The following MGST1 variants were observed in gnomAD, a reference collection of about 807,000 sequenced individuals.
MGST1 encodes microsomal glutathione S-transferase 1, also known as glutathione S-transferase 12.
In MGST1, 5 loss-of-function variants were observed where a neutral mutation model predicts 8.9. That is an observed-to-expected ratio of 0.56 (90% CI 0.29 to 1.19). The LOEUF is 1.19. Among genes scored for constraint, MGST1 ranks in the 50% most tolerant of loss-of-function variants. MGST1 has a pLI of 0.08. For missense variants in MGST1, 182 were observed against 187.4 expected (o/e 0.97, Z 0.17); for synonymous variants, 54 against 67.8 (o/e 0.80, Z 1.00).
intron 1 of MGST1, among the ~76,000 whole-genome samples, chr12:16,417,047 CTT>C (rs1940793041): frequency 6.6e-6 from 1 of 152,058 alleles, no homozygotes; most frequent in African/African-American, 2.4e-5. Context: ...ATTCAACAAA[CTT>C]TTTTGTAGTC....
chr12:16,361,687 G>A lies in MGST1; in HGVS notation c.222-2108G>A, dbSNP rs1440609329. Among the ~76,000 whole-genome samples, 1 of 152,186 alleles carries A rather than the reference G, an allele frequency of 6.6e-6. No homozygotes were observed. Among genetic ancestry groups the A allele is most frequent in the Non-Finnish European group, 1.5e-5 (1 of 68,026 alleles). On this transcript the variant is annotated intron_variant, in intron 3 of 3. Coordinates refer to ENST00000396210, the MANE Select transcript of MGST1 (RefSeq NM_020300.5). This position sits in a 1 kb window ranked among gnomAD's most constrained non-coding sequence, Gnocchi z 4.2. Reference sequence around the variant, plus strand: ...TGGGGAACTGTTTGCCTGGAACAGAGTCTCAAAAGAAGTACAAAATACAGC... The same window carrying A: ...TGGGGAACTGTTTGCCTGGAACAGAATCTCAAAAGAAGTACAAAATACAGC...
rs1383726435 is a variant in MGST1, at chr12:16,546,537, T to A, written n.483-42991T>A. On this transcript the variant is annotated intron_variant and non_coding_transcript_variant, in intron 4 of 4. Coordinates refer to the MGST1 transcript ENST00000538857. The surrounding 1 kb of genome is among the most constrained non-coding windows in gnomAD (Gnocchi z 4.7). ...TTATAATTTTGTGCATTACGTGATC[T>A]GCACGCCCAAAACAGGAGTATCTTT... Among the ~76,000 whole-genome samples the A allele has an allele frequency of 6.6e-6, 1 of 152,174 alleles. No individual in the cohort carries two copies. The highest frequency in any genetic ancestry group is 1.9e-4 in the East Asian group (1 of 5,196).
intron 1 of MGST1, among the ~76,000 whole-genome samples, chr12:16,424,247 G>A (rs1198206599): frequency 1.3e-5 from 2 of 152,222 alleles, no homozygotes; most frequent in Non-Finnish European, 2.9e-5. Flanking sequence ...ACACGTCACA[G>A]TCTTTAAGTC....
At position 16,402,237 on chromosome 12, in the gene MGST1, G is replaced by C. The variant is rs1406407249; in HGVS notation, n.778+18633G>C. On this transcript the variant is annotated intron_variant and non_coding_transcript_variant, in intron 1 of 1. Coordinates refer to the MGST1 transcript ENST00000359720. ...ATCACAAAAGACCATGGTAGTATCA[G>C]TTAGTTCATAACCAAAGAGCCATGT... 3.8e-6 allele frequency: 6 copies of C among 1,587,400 alleles called. No individual in the cohort carries two copies. In the East Asian group the frequency reaches 1.3e-4, roughly 35 times the overall value.
At chr12:16,498,293 A>C (rs1021501747) in intron 4 of MGST1, among the ~76,000 whole-genome samples, 7 of 152,200 alleles carry the variant, frequency 4.6e-5, no homozygotes, top group Non-Finnish European at 1.0e-4. Context: ...ACTTCCTAGT[A>C]TCTCTCCCTG....
At chr12:16,399,636 C>T in intron 1 of MGST1, 3 of 1,605,958 alleles carry the variant, frequency 1.9e-6, no homozygotes, top group African/African-American at 1.3e-5. Context: ...TTCAGCATCA[C>T]TCCCCTCATC....
At chr12:16,451,426 A>G (rs1342904514) in intron 4 of MGST1, among the ~76,000 whole-genome samples, 1 of 151,900 alleles carries the variant, frequency 6.6e-6, no homozygotes, top group African/African-American at 2.4e-5. Flanking sequence ...TTTATGCATT[A>G]CATATTTCAA....
In MGST1 at chr12:16,458,867, G is replaced by C. The variant is rs577430186; in HGVS notation, n.482+75263G>C. 6.6e-6 allele frequency among the ~76,000 whole-genome samples: 1 copy of C among 152,130 alleles called. No individual in the cohort carries two copies. The highest frequency in any genetic ancestry group is 1.5e-5 in the Non-Finnish European group (1 of 67,964). ...TTGAAGTCTCCATGTTCAGTGATAA[G>C]TAGTGGCTTGTTAGGAAAGCTATAT... On this transcript the variant is annotated intron_variant and non_coding_transcript_variant, in intron 4 of 4. Coordinates refer to the MGST1 transcript ENST00000538857. The surrounding 1 kb of genome is among the most constrained non-coding windows in gnomAD (Gnocchi z 4.0).
intron 4 of MGST1, among the ~76,000 whole-genome samples, chr12:16,466,801 C>A (rs1312085070): frequency 6.6e-6 from 1 of 152,164 alleles, no homozygotes; most frequent in African/African-American, 2.4e-5. Flanking sequence ...GTGTCAGACA[C>A]TGAAAAGCAT....
chr12:16,383,980 AGAG>A (rs1381161996), intron 1 of MGST1, among the ~76,000 whole-genome samples: 2 of 152,152 alleles, frequency 1.3e-5, no homozygotes, highest in African/African-American at 2.4e-5. Context: ...AGGGAAGAGG[AGAG>A]GAGGCATTTT....
At chr12:16,367,085 A>C (rs982233324), downstream of MGST1, among the ~76,000 whole-genome samples, 2 of 152,210 alleles carry the variant, frequency 1.3e-5, no homozygotes, top group African/African-American at 4.8e-5. Context: ...GATGGAAATG[A>C]ATACATTGAA....
In MGST1 at chr12:16,363,032, A is replaced by C. The variant is rs971402172; in HGVS notation, c.222-763A>C. The C allele has an allele frequency of 1.3e-5, 2 of 152,210 alleles. No individual in the cohort carries two copies. Among genetic ancestry groups the C allele is most frequent in the African/African-American group, 4.8e-5 (2 of 41,462 alleles). The allele number at this position is 152,210 out of a possible 1,614,324, so 9.4% of individuals were successfully genotyped here. On this transcript the variant is annotated intron_variant, in intron 3 of 3. Transcript: ENST00000396210. The surrounding 1 kb of genome is among the most constrained non-coding windows in gnomAD (Gnocchi z 4.6). ...CTTAGCCAGAGAAACCCAAGATGCC[A>C]CGGTTTGGAGCAAAACTGTGGCTAA...
At chr12:16,472,673 T>C (rs1941296457) in intron 4 of MGST1, among the ~76,000 whole-genome samples, 2 of 152,230 alleles carry the variant, frequency 1.3e-5, no homozygotes, top group Admixed American at 6.5e-5. Context: ...TTTATGTATA[T>C]TGAGCAATAA....
At chr12:16,441,322 A>G (rs1392846752), downstream of MGST1, among the ~76,000 whole-genome samples, 1 of 151,906 alleles carries the variant, frequency 6.6e-6, no homozygotes, top group Non-Finnish European at 1.5e-5. Flanking sequence ...CAAACTATGA[A>G]TCTACAATGA....
chr12:16,425,264 G>A (rs1940876100), intron 1 of MGST1, among the ~76,000 whole-genome samples: 1 of 151,986 alleles, frequency 6.6e-6, no homozygotes, highest in African/African-American at 2.4e-5. Flanking sequence ...AAATATTTTT[G>A]GAAACTAGTG....
At chr12:16,442,069 A>G (rs1941043664), downstream of MGST1, among the ~76,000 whole-genome samples, 1 of 151,808 alleles carries the variant, frequency 6.6e-6, no homozygotes, top group Admixed American at 6.6e-5. This position sits in a 1 kb window ranked among gnomAD's most constrained non-coding sequence, Gnocchi z 4.5. Context: ...AACACATAAT[A>G]TGGAGCGTCT....
intron 1 of MGST1, among the ~76,000 whole-genome samples, chr12:16,414,772 A>G (rs917179003): frequency 5.9e-5 from 9 of 152,130 alleles, no homozygotes; most frequent in African/African-American, 1.7e-4. Flanking sequence ...CCTGTAATCC[A>G]AGCACTTTGG....
intron 4 of MGST1, among the ~76,000 whole-genome samples, chr12:16,526,455 CTTA>C (rs1320666076): frequency 6.6e-6 from 1 of 151,882 alleles, no homozygotes; most frequent in Non-Finnish European, 1.5e-5. Flanking sequence ...TTGTGATTAT[CTTA>C]TTATCTCACT....
At chr12:16,463,579 G>A (rs996272318) in intron 4 of MGST1, among the ~76,000 whole-genome samples, 11 of 143,408 alleles carry the variant, frequency 7.7e-5, no homozygotes, top group East Asian at 4.1e-4. Flanking sequence ...ACATGTACCC[G>A]TAACTTAAAA....
Sources: gnomAD v4.1 joint callset for allele counts (sites outside exome capture counted in the v4.1 genomes callset) on GRCh38, gnomAD v4.1.1 for gene constraint, Gnocchi (gnomAD v3.1) non-coding constraint, MANE v1.5 for transcripts, NCBI Gene and HGNC (gene_info 2026-07-23, HGNC 2026-07-21) for gene names.